The following METTL15 variants were observed in gnomAD, a reference collection of about 807,000 sequenced individuals.
The protein encoded by METTL15 is methyltransferase 15, mitochondrial 12S rRNA N4-cytidine, also known as 12S rRNA N(4)-cytidine methyltransferase METTL15.
In METTL15, 34 loss-of-function variants were observed where a neutral mutation model predicts 38.3. The observed-to-expected ratio is 0.89, with a 90% CI of 0.68 to 1.18. The LOEUF (loss-of-function observed/expected upper bound fraction) is 1.18. METTL15 is among the 50% of genes most tolerant of loss of function. METTL15 has a pLI of 0.00. For missense variants in METTL15, 438 were observed against 498.4 expected (o/e 0.88, Z 1.15); for synonymous variants, 162 against 170.9 (o/e 0.95, Z 0.41).
At chr11:28,135,847 A>G (rs1352637977) in intron 3 of METTL15, among the ~76,000 whole-genome samples, 2 of 152,220 alleles carry the variant, frequency 1.3e-5, no homozygotes, top group Non-Finnish European at 2.9e-5. Context: ...TCTAAAAACA[A>G]AACAAGGATG....
intron 5 of METTL15, among the ~76,000 whole-genome samples, chr11:28,411,133 G>C (rs535036100): frequency 6.6e-6 from 1 of 152,020 alleles, no homozygotes; most frequent in African/African-American, 2.4e-5. Flanking sequence ...CAATGTTCAT[G>C]AATAAGAAGA....
chr11:28,151,794 A>G (rs1850098895), intron 3 of METTL15, among the ~76,000 whole-genome samples: 1 of 151,952 alleles, frequency 6.6e-6, no homozygotes, highest in Admixed American at 6.6e-5. Flanking sequence ...CTCCTTCTGT[A>G]TCTTGTAAAT....
chr11:28,448,664 C>A (rs374927102), intron 6 of METTL15, among the ~76,000 whole-genome samples: 18 of 152,208 alleles, frequency 1.2e-4, no homozygotes, highest in Admixed American at 1.1e-3. Flanking sequence ...TAAGTTATGG[C>A]AGATCTTGCA....
At chr11:28,494,266 C>T (rs1489973913) in intron 6 of METTL15, among the ~76,000 whole-genome samples, 8 of 152,168 alleles carry the variant, frequency 5.3e-5, no homozygotes, top group Non-Finnish European at 1.0e-4. Flanking sequence ...CACCAACCCA[C>T]TTTAATTATC....
chr11:28,192,106 G>A (rs929174637), intron 3 of METTL15, among the ~76,000 whole-genome samples: 1 of 151,702 alleles, frequency 6.6e-6, no homozygotes, highest in East Asian at 1.9e-4. Flanking sequence ...TCCTGATGAG[G>A]TTTTCATTCT....
intron 4 of METTL15, among the ~76,000 whole-genome samples, chr11:28,232,173 T>A (rs542149019): frequency 1.3e-5 from 2 of 152,032 alleles, no homozygotes; most frequent in African/African-American, 4.8e-5. Context: ...GCAGATTCAC[T>A]TCCTCAGTAA....
At chr11:28,276,966 A>C (rs1855867806) in intron 4 of METTL15, among the ~76,000 whole-genome samples, 1 of 152,190 alleles carries the variant, frequency 6.6e-6, no homozygotes, top group Non-Finnish European at 1.5e-5. Flanking sequence ...AAAGGCTAGA[A>C]GAAAACTCTC....
intron 4 of METTL15, among the ~76,000 whole-genome samples, chr11:28,285,342 CTT>C (rs1426219452): frequency 1.3e-5 from 2 of 150,746 alleles, no homozygotes; most frequent in Non-Finnish European, 2.9e-5. Flanking sequence ...AATTTATAAA[CTT>C]TCTTAAAACA....
At chr11:28,121,700 T>C (rs1852242252) in intron 3 of METTL15, among the ~76,000 whole-genome samples, 2 of 152,138 alleles carry the variant, frequency 1.3e-5, no homozygotes, top group Non-Finnish European at 2.9e-5. Flanking sequence ...AAAATGAATA[T>C]TGTTGCTTTA....
intron 5 of METTL15, among the ~76,000 whole-genome samples, chr11:28,379,832 A>G (rs563889771): frequency 6.6e-6 from 1 of 151,972 alleles, no homozygotes; most frequent in African/African-American, 2.4e-5. Flanking sequence ...CTATTATTCT[A>G]TTGCAGTCTG....
At chr11:28,325,435 A>T (rs541042957) in intron 6 of METTL15, among the ~76,000 whole-genome samples, 1 of 152,186 alleles carries the variant, frequency 6.6e-6, no homozygotes, top group African/African-American at 2.4e-5. Context: ...GGCTTTATAC[A>T]TAAGTTTTGG....
rs567005577 is a variant in METTL15, at chr11:28,355,659, G to A, written c.*258+3501G>A. The stretch of plus-strand genomic sequence containing the variant: ...TACTAGGCATTATAAGTAATCTAGA[G>A]ATTTAAAGCATAGAGGAAGATTTGC... On this transcript the variant is annotated intron_variant and NMD_transcript_variant, in intron 4 of 7. Coordinates refer to the METTL15 transcript ENST00000532947. 2.0e-5 allele frequency among the ~76,000 whole-genome samples: 3 copies of A among 152,184 alleles called. No homozygotes were observed. In the East Asian group the frequency reaches 5.8e-4, roughly 29 times the overall value.
intron 6 of METTL15, among the ~76,000 whole-genome samples, chr11:28,511,879 C>T (rs1851677259): frequency 6.6e-6 from 1 of 152,200 alleles, no homozygotes; most frequent in Non-Finnish European, 1.5e-5. Context: ...TATCTGGCCC[C>T]ACCCACATCC....
At chr11:28,207,775 C>G (rs949180121) in intron 3 of METTL15, among the ~76,000 whole-genome samples, 5 of 152,118 alleles carry the variant, frequency 3.3e-5, no homozygotes, top group African/African-American at 1.2e-4. Context: ...TGACTGTTGC[C>G]ACAGTTTCAG....
At chr11:28,151,772 G>A (rs1009187970) in intron 3 of METTL15, among the ~76,000 whole-genome samples, 6 of 151,926 alleles carry the variant, frequency 3.9e-5, no homozygotes, top group Non-Finnish European at 8.8e-5. Context: ...ACAGTTTATT[G>A]CATTACTGTC....
At chr11:28,262,397 T>C (rs1855242078) in intron 4 of METTL15, among the ~76,000 whole-genome samples, 1 of 150,918 alleles carries the variant, frequency 6.6e-6, no homozygotes, top group South Asian at 2.1e-4. Flanking sequence ...GTATAGTATA[T>C]ATATTATATA....
At chr11:28,388,141 A>C (rs79471241) in intron 5 of METTL15, among the ~76,000 whole-genome samples, 5,785 of 152,200 alleles carry the variant, frequency 0.038, 371 homozygotes, top group African/African-American at 0.13. Context: ...TTTTTCTCTA[A>C]GATCAGGTAT....
chr11:28,219,928 G>A (rs528626180), intron 4 of METTL15, among the ~76,000 whole-genome samples: 15 of 152,304 alleles, frequency 9.8e-5, no homozygotes, highest in Admixed American at 2.0e-4. Flanking sequence ...CTGAGAGACA[G>A]TTCGTTATAA....
chr11:28,164,058 A>C (rs1850567826), intron 3 of METTL15: 1 of 152,090 alleles, frequency 6.6e-6, no homozygotes, highest in African/African-American at 2.4e-5. Flanking sequence ...TCAAAATATC[A>C]CATGTATAGC....
Sources: gnomAD v4.1 joint callset for allele counts (sites outside exome capture counted in the v4.1 genomes callset) on GRCh38, gnomAD v4.1.1 for gene constraint, MANE v1.5 for transcripts, NCBI Gene and HGNC (gene_info 2026-07-23, HGNC 2026-07-21) for gene names.